CTNNA3: variants seen among roughly 807,000 people sequenced by gnomAD.
The protein encoded by CTNNA3 is catenin alpha 3, also known as catenin alpha-3.
Under a neutral mutation model 95.7 loss-of-function variants are expected in CTNNA3, and 76 were observed. The observed-to-expected ratio is 0.79, with a 90% CI of 0.66 to 0.96. CTNNA3 has a LOEUF of 0.96. Ranked by LOEUF, CTNNA3 falls within the 40% of genes least tolerant of loss-of-function variation. The probability of loss-of-function intolerance (pLI) is 0.00; values close to 1 mark genes in which losing one functional copy is unlikely to be tolerated. For synonymous variants in CTNNA3, 431 were observed against 374.4 expected, an observed-to-expected ratio of 1.15 and a Z score of -1.74; for missense variants, 1,191 against 1,089.8, an observed-to-expected ratio of 1.09 and a Z score of -1.31.
chr10:66,469,191 G>A (rs1011817058), intron 11 of CTNNA3, among the ~76,000 whole-genome samples: 1 of 151,644 alleles, frequency 6.6e-6, no homozygotes, highest in Non-Finnish European at 1.5e-5. Flanking sequence ...TATTCAAGAA[G>A]GAAAACACTT....
At chr10:67,267,460 G>A (rs570523746) in intron 5 of CTNNA3, among the ~76,000 whole-genome samples, 87 of 152,250 alleles carry the variant, frequency 5.7e-4, no homozygotes, top group African/African-American at 2.0e-3. Context: ...TGCCTCCCAG[G>A]TTCATGCCAT....
intron 5 of CTNNA3, among the ~76,000 whole-genome samples, chr10:67,356,426 A>G (rs1023369138): frequency 1.3e-5 from 2 of 152,130 alleles, no homozygotes; most frequent in African/African-American, 2.4e-5. Flanking sequence ...TTCAGTTTCT[A>G]TAACTGCTAC....
intron 3 of CTNNA3, among the ~76,000 whole-genome samples, chr10:67,583,314 A>G (rs1469561399): frequency 2.0e-5 from 3 of 152,120 alleles, no homozygotes; most frequent in African/African-American, 7.2e-5. Context: ...TCCTTCACTT[A>G]TGAAGCTTAG....
intron 6 of CTNNA3, among the ~76,000 whole-genome samples, chr10:67,213,134 G>T (rs912027576): frequency 1.3e-5 from 2 of 151,708 alleles, no homozygotes; most frequent in African/African-American, 2.4e-5. Context: ...CATTCAGATT[G>T]TCTATACTTG....
chr10:67,658,307 T>G (rs1019584056), intron 1 of CTNNA3, among the ~76,000 whole-genome samples: 1 of 152,186 alleles, frequency 6.6e-6, no homozygotes, highest in Non-Finnish European at 1.5e-5. Context: ...TAAAATCCAT[T>G]AACTTAGCCA....
intron 7 of CTNNA3, among the ~76,000 whole-genome samples, chr10:66,797,406 G>GA (rs1554853578): frequency 0.13 from 10,950 of 85,800 alleles, 463 homozygotes; most frequent in Non-Finnish European, 0.15. Flanking sequence ...TCAAAAGTAA[G>GA]AAAAAAAAAA....
chr10:67,528,179 G>C (rs1440249011), intron 4 of CTNNA3, among the ~76,000 whole-genome samples: 2 of 152,146 alleles, frequency 1.3e-5, no homozygotes, highest in African/African-American at 2.4e-5. Context: ...CAATTCTTTA[G>C]GGATGAACTA....
chr10:66,199,794 TATATATA>T (rs2087243308), intron 13 of CTNNA3, among the ~76,000 whole-genome samples: 14 of 16,128 alleles, frequency 8.7e-4, no homozygotes, highest in African/African-American at 2.5e-3. Context: ...TATATATATA[TATATATA>T]TATATTTTTT....
At chr10:67,149,886 G>A (rs10762143) in intron 7 of CTNNA3, among the ~76,000 whole-genome samples, 97,789 of 152,080 alleles carry the variant, frequency 0.64, 32,492 homozygotes, top group African/African-American at 0.82. Flanking sequence ...AATGTTTTTC[G>A]AGTTTGAGAA....
At chr10:66,649,479 G>A (rs1485482278) in intron 9 of CTNNA3, among the ~76,000 whole-genome samples, 3 of 152,120 alleles carry the variant, frequency 2.0e-5, no homozygotes, top group Non-Finnish European at 2.9e-5. Context: ...TATACAGCAC[G>A]GACACAGACA....
At chr10:67,674,753 G>A (rs1251826195) in intron 1 of CTNNA3, among the ~76,000 whole-genome samples, 2 of 152,004 alleles carry the variant, frequency 1.3e-5, no homozygotes, top group African/African-American at 4.8e-5. Flanking sequence ...TCTATGAATT[G>A]CTTACTTGTA....
chr10:66,490,571 C>A (rs75476200), intron 11 of CTNNA3, among the ~76,000 whole-genome samples: 132 of 152,160 alleles, frequency 8.7e-4, no homozygotes, highest in African/African-American at 3.0e-3. Context: ...GTTCATGAAC[C>A]AGAGATAATT....
intron 1 of CTNNA3, among the ~76,000 whole-genome samples, chr10:67,747,260 C>A (rs991334827): frequency 5.9e-5 from 9 of 152,324 alleles, no homozygotes; most frequent in Middle Eastern, 3.4e-3. Context: ...GTGCAGCACA[C>A]CCCCTCCACC....
chr10:66,335,651 C>T (rs1162217150), intron 12 of CTNNA3, among the ~76,000 whole-genome samples: 2 of 152,074 alleles, frequency 1.3e-5, no homozygotes, highest in Admixed American at 1.3e-4. Context: ...CTTTGGGGTG[C>T]CTCCCAGTTA....
chr10:66,217,832 T>C (rs2088652715), intron 13 of CTNNA3, among the ~76,000 whole-genome samples: 1 of 152,136 alleles, frequency 6.6e-6, no homozygotes, highest in Non-Finnish European at 1.5e-5. Flanking sequence ...AGACAGGAGA[T>C]AGCGGGAGGT....
chr10:67,438,720 G>T (rs762611957), intron 5 of CTNNA3, among the ~76,000 whole-genome samples: 2 of 152,172 alleles, frequency 1.3e-5, no homozygotes, highest in Non-Finnish European at 2.9e-5. Flanking sequence ...GGCACAGAGA[G>T]AGAATCTGTG....
At chr10:66,089,533 C>CT in intron 14 of CTNNA3, among the ~76,000 whole-genome samples, 1 of 151,822 alleles carries the variant, frequency 6.6e-6, no homozygotes, top group South Asian at 2.1e-4. Flanking sequence ...TCTGGTTCGC[C>CT]TTTACCTTAG....
intron 7 of CTNNA3, among the ~76,000 whole-genome samples, chr10:67,066,432 C>T (rs912212084): frequency 6.6e-6 from 1 of 151,770 alleles, no homozygotes; most frequent in Admixed American, 6.6e-5. Context: ...ACCTCGTGAT[C>T]CGCCTGCCTT....
intron 13 of CTNNA3, among the ~76,000 whole-genome samples, chr10:66,138,652 A>G (rs2083466212): frequency 6.6e-6 from 1 of 152,186 alleles, no homozygotes; most frequent in African/African-American, 2.4e-5. Context: ...AGCATGGTGA[A>G]ACCCGGTTGG....
Sources: allele counts gnomAD v4.1 joint callset (sites outside exome capture counted in the v4.1 genomes callset), GRCh38; gene constraint gnomAD v4.1.1; transcripts MANE v1.5; gene names NCBI Gene and HGNC (gene_info 2026-07-23, HGNC 2026-07-21).